ENPP1: variants seen among roughly 807,000 people sequenced by gnomAD.
ENPP1 encodes ectonucleotide pyrophosphatase/phosphodiesterase family member 1.
In ENPP1, 73 loss-of-function variants were observed where a neutral mutation model predicts 122.8. The observed-to-expected ratio is 0.59, with a 90% CI of 0.49 to 0.72. The LOEUF (loss-of-function observed/expected upper bound fraction) is 0.72, where lower values mean the gene tolerates loss of function less well. Ranked by LOEUF, ENPP1 falls within the 30% of genes least tolerant of loss-of-function variation. ENPP1 has a pLI of 0.00. For missense variants in ENPP1, 978 were observed against 1,128.1 expected, an observed-to-expected ratio of 0.87 and a Z score of 1.91; for synonymous variants, 367 against 391.6, an observed-to-expected ratio of 0.94 and a Z score of 0.74.
chr6:131,827,785 C>T (rs766570023), intron 1 of ENPP1: 51 of 862,396 alleles, frequency 5.9e-5, no homozygotes, highest in Middle Eastern at 4.5e-4. Flanking sequence ...CTCCAAAGCC[C>T]GCTGCAGGTG....
intron 3 of ENPP1, 22 bp downstream of exon 3, chr6:131,850,128 A>T: frequency 6.8e-7 from 1 of 1,460,884 alleles, no homozygotes; most frequent in Middle Eastern, 1.7e-4. Flanking sequence ...CAGGGAAAAA[A>T]GTGGAGTTAT....
At chr6:131,820,748 CT>C (rs1781475239) in intron 1 of ENPP1, 1 of 152,154 alleles carries the variant, frequency 6.6e-6, no homozygotes, top group Non-Finnish European at 1.5e-5. Context: ...AGTTTGGAGA[CT>C]TTCCAAGATC....
chr6:131,867,721 A>G (rs1008273714), intron 11 of ENPP1, among the ~76,000 whole-genome samples: 1 of 152,206 alleles, frequency 6.6e-6, no homozygotes, highest in African/African-American at 2.4e-5. Context: ...CCTCAGGAAT[A>G]GATCAGCTAA....
chr6:131,808,260 T>C lies in ENPP1; in HGVS notation c.225T>C (p.Tyr75=). Residue 75 remains tyrosine (Y), a synonymous_variant, in exon 1 of 25, where the codon TAT becomes TAC. Transcript: ENST00000647893. ...GCACTGCCAAGGACCCCAACACCTATAAAGTACTCTCGCTGGTAGGTCCGC... is the reference window on the plus strand; with the variant it reads ...GCACTGCCAAGGACCCCAACACCTACAAAGTACTCTCGCTGGTAGGTCCGC... ...RARTAKDPNT[Y]KVLSLVLSVC... 1 of 1,513,726 alleles carries C rather than the reference T, an allele frequency of 6.6e-7. No individual in the cohort carries two copies. The highest frequency in any genetic ancestry group is 8.9e-7 in the Non-Finnish European group (1 of 1,129,762). The allele number at this position is 1,513,726 out of a possible 1,614,324, so 93.8% of individuals were successfully genotyped here.
intron 21 of ENPP1, among the ~76,000 whole-genome samples, chr6:131,883,115 G>T (rs1283975060): frequency 6.6e-6 from 1 of 152,042 alleles, no homozygotes; most frequent in Non-Finnish European, 1.5e-5. Flanking sequence ...GCCATTTTGG[G>T]GCCAGCCTTA....
Position 131,879,960 on chromosome 6 carries a change from C to T in ENPP1, c.2026C>T (p.Gln676Ter), listed in dbSNP as rs765842845. 10 of 1,613,820 alleles carry T rather than the reference C, an allele frequency of 6.2e-6. No individual in the cohort carries two copies. In the South Asian group the frequency reaches 8.8e-5, roughly 14 times the overall value. ...QKENTICLLS[Q>*]HQFMSGYSQD... is the part of the protein sequence containing the mutation. ...GGAAAACACCATCTGTCTTCTTTCC[C>T]AGCACCAGTTTATGAGTGGATACAG... Residue 676 changes from glutamine to a stop codon, truncating the protein, a stop_gained, in exon 20 of 25, where the codon CAG becomes TAG. Coordinates refer to ENST00000647893, the MANE Select transcript of ENPP1 (RefSeq NM_006208.3). LOFTEE classifies it high-confidence loss of function.
At chr6:131,849,927 T>C (rs971818994) in intron 2 of ENPP1, 63 bp from the exon 3 acceptor site, 1 of 1,183,130 alleles carries the variant, frequency 8.5e-7, no homozygotes, top group South Asian at 1.2e-5. Context: ...GTTGTATTCG[T>C]TGATGTTTAC....
intron 1 of ENPP1, chr6:131,826,729 C>A: frequency 1.9e-6 from 1 of 518,122 alleles, no homozygotes. Context: ...TCTGCAATGA[C>A]TTGTGGGATC....
In ENPP1 at chr6:131,886,930, T is replaced by C. The variant is rs77601007; in HGVS notation, c.2607+206T>C. Among the ~76,000 whole-genome samples the C allele has an allele frequency of 0.042, 6,147 of 147,376 alleles. 175 individuals carry two copies. The highest frequency in any genetic ancestry group is 0.079 in the African/African-American group (3,156 of 40,110). On this transcript the variant is annotated intron_variant, in intron 24 of 24. Transcript: ENST00000647893. ...CTTGTCTGCTTTTACTTTTTTCTTT[T>C]TTTTTTTTTTTTTTTTAGAGATAGG...
At chr6:131,828,682 G>T (rs1433602174) in intron 1 of ENPP1, among the ~76,000 whole-genome samples, 1 of 152,188 alleles carries the variant, frequency 6.6e-6, no homozygotes, top group South Asian at 2.1e-4. Context: ...GGCCATCCAG[G>T]TAGAGAGGTC....
At chr6:131,870,729 A>AT (rs1321692854) in intron 13 of ENPP1, among the ~76,000 whole-genome samples, 5 of 152,168 alleles carry the variant, frequency 3.3e-5, no homozygotes, top group African/African-American at 1.2e-4. Context: ...TTTAATTCGT[A>AT]TTTTTTTAAT....
intron 13 of ENPP1, among the ~76,000 whole-genome samples, chr6:131,871,066 C>T (rs962475251): frequency 2.0e-5 from 3 of 151,498 alleles, no homozygotes; most frequent in Non-Finnish European, 4.4e-5. Flanking sequence ...CAGAGAGAGA[C>T]TCCATCTAAA....
At position 131,852,175 on chromosome 6, in the gene ENPP1, G is replaced by A; in HGVS notation, c.557G>A (p.Gly186Asp). ...CCINYSSVCQ[G>D]EKSWVEEPCE... Reference sequence around the variant, plus strand: ...TTTTATTTTCTTGAAAATATTTTAGGTGAGAAAAGTTGGGTAGAAGAACCA... The same window carrying A: ...TTTTATTTTCTTGAAAATATTTTAGATGAGAAAAGTTGGGTAGAAGAACCA... Residue 186 changes from glycine (G) to aspartate (D), a missense_variant and splice_region_variant, in exon 5 of 25, where the codon GGT becomes GAT. Transcript: ENST00000647893. 1 of 1,590,440 alleles carries A rather than the reference G, an allele frequency of 6.3e-7. No individual in the cohort carries two copies. The highest frequency in any genetic ancestry group is 8.6e-7 in the Non-Finnish European group (1 of 1,160,810).
chr6:131,855,020 C>T lies in ENPP1; in HGVS notation c.712C>T (p.Leu238=). 1.9e-6 allele frequency: 3 copies of T among 1,585,992 alleles called. No individual in the cohort carries two copies. The highest frequency in any genetic ancestry group is 2.6e-6 in the Non-Finnish European group (3 of 1,154,494). The part of the protein sequence containing the change: ...WGGLLPVISK[L]KKCGTYTKNM... ...TGGACTTCTTCCTGTTATTAGCAAA[C>T]TAAGTGAGTAACTTCAGAGTTTACT... The change falls in exon 6 of 25, where the codon CTA becomes TTA. Residue 238 remains leucine, a synonymous_variant. Coordinates refer to ENST00000647893, the MANE Select transcript of ENPP1 (RefSeq NM_006208.3).
intron 1 of ENPP1, chr6:131,820,258 C>A (rs187750574): frequency 3.5e-4 from 60 of 170,418 alleles, no homozygotes; most frequent in Non-Finnish European, 6.0e-4. Context: ...AGAAAAATTT[C>A]GTGAATATAT....
At chr6:131,845,221 C>G (rs551747250) in intron 1 of ENPP1, among the ~76,000 whole-genome samples, 2 of 150,994 alleles carry the variant, frequency 1.3e-5, no homozygotes, top group Non-Finnish European at 3.0e-5. Flanking sequence ...TTGGTAGAGA[C>G]GGGGTTTCAC....
intron 5 of ENPP1, among the ~76,000 whole-genome samples, chr6:131,854,112 A>G (rs190316172): frequency 3.3e-4 from 50 of 152,314 alleles, no homozygotes; most frequent in East Asian, 3.9e-4. Flanking sequence ...TAAAAACTAA[A>G]TACAGTATAT....
At chr6:131,887,170 A>G (rs1443037994) in intron 24 of ENPP1, among the ~76,000 whole-genome samples, 3 of 151,596 alleles carry the variant, frequency 2.0e-5, no homozygotes, top group Admixed American at 6.6e-5. Context: ...TTTTTTTAAA[A>G]CTGGATGTAT....
chr6:131,820,364 A>G (rs1418480773), intron 1 of ENPP1: 1 of 157,024 alleles, frequency 6.4e-6, no homozygotes, highest in Non-Finnish European at 1.4e-5. Flanking sequence ...TGTGACTTCT[A>G]TCACCCCATT....
Sources: allele counts gnomAD v4.1 joint callset (sites outside exome capture counted in the v4.1 genomes callset), GRCh38; gene constraint gnomAD v4.1.1; transcripts MANE v1.5; gene names NCBI Gene and HGNC (gene_info 2026-07-23, HGNC 2026-07-21).